The following STK3 variants were observed in gnomAD, a reference collection of about 807,000 sequenced individuals.
The protein encoded by STK3 is serine/threonine-protein kinase 3.
A neutral mutation model predicts 58.0 loss-of-function variants in STK3; 41 were observed. The observed-to-expected ratio is 0.71, with a 90% CI of 0.55 to 0.92. The LOEUF (loss-of-function observed/expected upper bound fraction) is 0.92, where lower values mean the gene tolerates loss of function less well. STK3 is among the 40% of genes least tolerant of loss of function. STK3 has a pLI of 0.00. For missense variants in STK3, 479 were observed against 602.7 expected, an observed-to-expected ratio of 0.79 and a Z score of 2.15; for synonymous variants, 170 against 191.0, an observed-to-expected ratio of 0.89 and a Z score of 0.91.
chr8:98,827,205 G>C (rs1442822245), upstream of STK3, among the ~76,000 whole-genome samples: 1 of 150,310 alleles, frequency 6.7e-6, no homozygotes, highest in Admixed American at 6.6e-5. Flanking sequence ...GCCTGGTGAT[G>C]CGCCTGTACT....
At chr8:98,527,672 A>T (rs1416750600) in intron 9 of STK3, among the ~76,000 whole-genome samples, 2 of 152,076 alleles carry the variant, frequency 1.3e-5, no homozygotes, top group Non-Finnish European at 2.9e-5. Flanking sequence ...AATTAAAAAA[A>T]ATCATAAGAA....
intron 8 of STK3, among the ~76,000 whole-genome samples, chr8:98,578,184 G>T (rs1157544124): frequency 6.6e-6 from 1 of 152,116 alleles, no homozygotes; most frequent in African/African-American, 2.4e-5. Context: ...GAAACTAAAT[G>T]TATCTATCAT....
At chr8:98,847,479 C>G (rs977398453) in intron 3 of STK3, among the ~76,000 whole-genome samples, 1 of 152,146 alleles carries the variant, frequency 6.6e-6, no homozygotes, top group East Asian at 1.9e-4. Context: ...TTGCCACAGA[C>G]CTTGATGCTG....
chr8:98,696,708 C>A (rs1824976871), intron 6 of STK3, among the ~76,000 whole-genome samples: 1 of 152,048 alleles, frequency 6.6e-6, no homozygotes, highest in African/African-American at 2.4e-5. Context: ...GGATGAAGCC[C>A]ACTTGATCAT....
At chr8:98,607,057 C>T (rs912399996) in intron 6 of STK3, among the ~76,000 whole-genome samples, 1 of 152,128 alleles carries the variant, frequency 6.6e-6, no homozygotes, top group Non-Finnish European at 1.5e-5. Flanking sequence ...TAGAACAGAA[C>T]CACAGTACAC....
intron 1 of STK3, among the ~76,000 whole-genome samples, chr8:98,785,477 A>G (rs950615579): frequency 1.1e-4 from 16 of 152,136 alleles, no homozygotes; most frequent in Non-Finnish European, 2.2e-4. Context: ...GATTCTCCCT[A>G]TGCGCTGACA....
intron 2 of STK3, among the ~76,000 whole-genome samples, chr8:98,378,501 T>G (rs532795062): frequency 2.3e-4 from 35 of 152,368 alleles, no homozygotes; most frequent in South Asian, 2.1e-3. Flanking sequence ...TATTTACATT[T>G]CCTAAGCTTT....
rs780626771 is a variant in STK3 at position 98,749,405 on chromosome 8, A to G, written c.237-15T>C. ...CAACATATGGGCTAAAGGAAAATAC[A>G]TAAACAATTAAATTTAGTTAATTCC... On this transcript the variant is annotated splice_polypyrimidine_tract_variant and intron_variant, in intron 3 of 10. Transcript: ENST00000419617. The G allele has an allele frequency of 2.9e-6, 4 of 1,402,336 alleles. No individual in the cohort carries two copies. The Admixed American group carries it at 6.6e-5, about 23-fold the overall frequency. 86.9% of individuals were successfully genotyped at this position (1,402,336 alleles called of 1,614,324 possible).
In STK3 at chr8:98,900,402, AT is replaced by A. The variant is rs1838611570; in HGVS notation, c.-78-16569del. Among the ~76,000 whole-genome samples the A allele has an allele frequency of 3.9e-5, 6 of 151,968 alleles. No individual in the cohort carries two copies. The South Asian group carries it at 6.2e-4, about 16-fold the overall frequency. ...AGCCTTCAGTCTGCTTTTTAAAAAC[AT>A]TTTTTTAAGAAGTCTAATTGAACAT... On this transcript the variant is annotated intron_variant, in intron 1 of 1. Coordinates refer to the STK3 transcript ENST00000519420.
Position 98,834,420 on chromosome 8 carries a change from T to C in STK3, c.110+49227A>G, listed in dbSNP as rs74911227. On this transcript the variant is annotated intron_variant, in intron 3 of 12. Transcript: ENST00000523601. The stretch of plus-strand genomic sequence containing the variant: ...ACAGAACAAAATTGGAATCCGATTA[T>C]GTAGAAAAAATGGGGAAATTGTAAT... 3.3e-5 allele frequency among the ~76,000 whole-genome samples: 5 copies of C among 152,314 alleles called. No homozygotes were observed. The East Asian group carries it at 5.8e-4, about 18-fold the overall frequency.
chr8:98,405,484 A>G (rs1029595825), intron 3 of STK3, among the ~76,000 whole-genome samples: 2 of 152,192 alleles, frequency 1.3e-5, no homozygotes, highest in Non-Finnish European at 2.9e-5. Flanking sequence ...TGTAAATATC[A>G]TAAGCATAGA....
At chr8:98,814,659 A>C (rs1834436323) in intron 1 of STK3, among the ~76,000 whole-genome samples, 1 of 151,990 alleles carries the variant, frequency 6.6e-6, no homozygotes, top group Non-Finnish European at 1.5e-5. Context: ...AGCGTGAAAC[A>C]CCACACCTGG....
At chr8:98,808,105 A>G (rs966908909) in intron 1 of STK3, among the ~76,000 whole-genome samples, 1 of 152,238 alleles carries the variant, frequency 6.6e-6, no homozygotes, top group Non-Finnish European at 1.5e-5. Context: ...GTGTGACAGA[A>G]GCAAAAATTA....
At position 98,491,335 on chromosome 8, in the gene STK3, T is replaced by C. The variant is rs931929426; in HGVS notation, c.1318-35335A>G. 4.6e-5 allele frequency among the ~76,000 whole-genome samples: 7 copies of C among 152,236 alleles called. No individual in the cohort carries two copies. The South Asian group carries it at 1.2e-3, about 27-fold the overall frequency. On this transcript the variant is annotated intron_variant, in intron 10 of 10. Transcript: ENST00000419617. ...ACCAATATCTGTTCTCTTGTCTATATAGATTTAAATTTAGCGATGAGTATA... is the reference window on the plus strand; with the variant it reads ...ACCAATATCTGTTCTCTTGTCTATACAGATTTAAATTTAGCGATGAGTATA...
intron 10 of STK3, among the ~76,000 whole-genome samples, chr8:98,492,760 A>G (rs770331925): frequency 2.0e-5 from 3 of 152,014 alleles, no homozygotes; most frequent in Non-Finnish European, 4.4e-5. Flanking sequence ...GGCTGCACCC[A>G]CTCTTATCCT....
At chr8:98,840,597 A>G (rs1405658912) in intron 3 of STK3, among the ~76,000 whole-genome samples, 2 of 59,070 alleles carry the variant, frequency 3.4e-5, no homozygotes, top group African/African-American at 9.3e-5. Flanking sequence ...ATATATATAT[A>G]TATATATATA....
rs943651592 is a variant in STK3, at chr8:98,697,268, C to T, written c.684+9199G>A. 2.0e-5 allele frequency among the ~76,000 whole-genome samples: 3 copies of T among 152,114 alleles called. No homozygotes were observed. The South Asian group carries it at 6.2e-4, about 32-fold the overall frequency. On this transcript the variant is annotated intron_variant, in intron 6 of 10. Coordinates refer to ENST00000419617, the MANE Select transcript of STK3 (RefSeq NM_006281.4). ...TCTCTTTTCTTCTTTATTAGTCTTG[C>T]TAGCGGTCTATCAATTTTGTTGATC...
chr8:98,577,369 C>T (rs566437031), intron 8 of STK3, among the ~76,000 whole-genome samples: 54 of 152,224 alleles, frequency 3.5e-4, no homozygotes, highest in Admixed American at 9.8e-4. Context: ...AGTCTGCAGT[C>T]CCAGCTACTC....
chr8:98,932,209 A>G (rs1840027287), intron 1 of STK3, among the ~76,000 whole-genome samples: 1 of 152,220 alleles, frequency 6.6e-6, no homozygotes, highest in South Asian at 2.1e-4. Context: ...AGAAAATACT[A>G]TGAGTAGGAA....
Sources: gnomAD v4.1 joint callset for allele counts (sites outside exome capture counted in the v4.1 genomes callset) on GRCh38, gnomAD v4.1.1 for gene constraint, MANE v1.5 for transcripts, NCBI Gene and HGNC (gene_info 2026-07-23, HGNC 2026-07-21) for gene names.